The following TNR variants were observed in gnomAD, a reference collection of about 807,000 sequenced individuals.
TNR encodes the protein tenascin R.
Under a neutral mutation model 150.4 loss-of-function variants are expected in TNR, and 45 were observed. That is an observed-to-expected ratio of 0.30 (90% CI 0.24 to 0.38). The LOEUF (loss-of-function observed/expected upper bound fraction) is 0.38. TNR is among the 10% of genes least tolerant of loss of function. TNR has a pLI of 1.00. For missense variants in TNR, 1,544 were observed against 1,759.1 expected (o/e 0.88, Z 2.19); for synonymous variants, 687 against 678.4 (o/e 1.01, Z -0.20).
In TNR at chr1:175,351,171, T is replaced by C. The variant is rs78042823; in HGVS notation, c.3382+3220A>G. Among the ~76,000 whole-genome samples the C allele has an allele frequency of 3.3e-4, 50 of 152,346 alleles. 1 individual carries two copies. In the East Asian group the frequency reaches 9.2e-3, roughly 28 times the overall value. Reference sequence around the variant, plus strand: ...CTCCAGTCTTGCATATAAGTGAAGATACACTGCTCTTCAATTTTGCTTTTC... The same window carrying C: ...CTCCAGTCTTGCATATAAGTGAAGACACACTGCTCTTCAATTTTGCTTTTC... On this transcript the variant is annotated intron_variant, in intron 18 of 22. Coordinates refer to ENST00000367674, the MANE Select transcript of TNR (RefSeq NM_003285.3).
chr1:175,661,803 C>CG (rs397973137), intron 1 of TNR, among the ~76,000 whole-genome samples: 3 of 134,396 alleles, frequency 2.2e-5, no homozygotes, highest in Admixed American at 1.5e-4. Context: ...CCCCTCCCCC[C>CG]ACCCTTTTCT....
chr1:175,364,327 CT>C (rs71129505), intron 12 of TNR, among the ~76,000 whole-genome samples: 1,497 of 142,286 alleles, frequency 0.011, 12 homozygotes, highest in African/African-American at 0.027. Context: ...ATGCTATGGG[CT>C]TTTTTTTTTT....
At chr1:175,378,379 T>C (rs1652509853) in intron 9 of TNR, among the ~76,000 whole-genome samples, 2 of 152,146 alleles carry the variant, frequency 1.3e-5, no homozygotes, top group Non-Finnish European at 2.9e-5. Flanking sequence ...AAACCAAATA[T>C]GGTGCAATGT....
intron 2 of TNR, among the ~76,000 whole-genome samples, chr1:175,440,530 T>TAATAA (rs1372761531): frequency 2.8e-5 from 4 of 145,454 alleles, no homozygotes; most frequent in East Asian, 2.0e-4. Flanking sequence ...AGTATAATAA[T>TAATAA]AATAAAATAA....
At chr1:175,418,549 C>T (rs563266120) in intron 2 of TNR, among the ~76,000 whole-genome samples, 5 of 152,092 alleles carry the variant, frequency 3.3e-5, no homozygotes, top group Non-Finnish European at 5.9e-5. Context: ...TGGCAAAACC[C>T]CACCTCTACT....
chr1:175,654,719 C>CTTT (rs36087120), intron 1 of TNR, among the ~76,000 whole-genome samples: 459 of 74,644 alleles, frequency 6.1e-3, no homozygotes, highest in Middle Eastern at 0.013. Flanking sequence ...AAGTTCCCTT[C>CTTT]TTTTTTTTTT....
chr1:175,619,207 G>A (rs981118932), intron 1 of TNR, among the ~76,000 whole-genome samples: 6 of 152,146 alleles, frequency 3.9e-5, no homozygotes, highest in African/African-American at 1.4e-4. Flanking sequence ...AATGGAAAAA[G>A]ACAGTTCCAT....
intron 7 of TNR, among the ~76,000 whole-genome samples, chr1:175,387,753 A>C (rs1653000876): frequency 2.0e-5 from 3 of 152,154 alleles, no homozygotes; most frequent in Non-Finnish European, 4.4e-5. Context: ...ACTCTGGCCC[A>C]CCTCCTACTC....
intron 1 of TNR, among the ~76,000 whole-genome samples, chr1:175,586,333 C>T (rs1440483046): frequency 6.6e-6 from 1 of 152,058 alleles, no homozygotes; most frequent in East Asian, 1.9e-4. Flanking sequence ...TACTTCTACC[C>T]CCTTCTCTTT....
chr1:175,648,780 C>G (rs1173151904), intron 1 of TNR, among the ~76,000 whole-genome samples: 1 of 152,174 alleles, frequency 6.6e-6, no homozygotes, highest in African/African-American at 2.4e-5. Flanking sequence ...CCTCAGTCTG[C>G]TCCACCGTTA....
intron 1 of TNR, among the ~76,000 whole-genome samples, chr1:175,656,141 AGTGTGT>A (rs575020723): frequency 0.021 from 2,560 of 123,876 alleles, 35 homozygotes; most frequent in East Asian, 0.06. Context: ...GGAAGGTTGA[AGTGTGT>A]GTGTGTGTGT....
intron 2 of TNR, among the ~76,000 whole-genome samples, chr1:175,448,931 ATGT>A (rs749861158): frequency 6.6e-5 from 10 of 152,190 alleles, no homozygotes; most frequent in Non-Finnish European, 1.3e-4. Flanking sequence ...GGTCTGGTCA[ATGT>A]TGTTCACTTT....
chr1:175,496,729 T>A (rs1359781285), intron 2 of TNR, among the ~76,000 whole-genome samples: 1 of 152,216 alleles, frequency 6.6e-6, no homozygotes, highest in Non-Finnish European at 1.5e-5. Flanking sequence ...TCCTAGCTGT[T>A]AAAAAGGGAC....
intron 1 of TNR, among the ~76,000 whole-genome samples, chr1:175,583,004 A>G (rs1662419047): frequency 6.6e-6 from 1 of 152,024 alleles, no homozygotes; most frequent in Admixed American, 6.6e-5. Flanking sequence ...CAGCACCTTG[A>G]TCTTGGACTT....
At chr1:175,335,681 C>T (rs1391090830) in intron 20 of TNR, 30 bp downstream of exon 20, 1 of 1,594,766 alleles carries the variant, frequency 6.3e-7, no homozygotes, top group Admixed American at 1.7e-5. Context: ...CAGAGAAGCA[C>T]ATCAATGGAA....
At chr1:175,568,141 T>C (rs1331520467) in intron 1 of TNR, among the ~76,000 whole-genome samples, 2 of 152,208 alleles carry the variant, frequency 1.3e-5, no homozygotes, top group African/African-American at 4.8e-5. Context: ...CAGAGCAAAG[T>C]CCCACTCAGG....
chr1:175,671,193 C>T (rs553151020), intron 1 of TNR, among the ~76,000 whole-genome samples: 7 of 152,244 alleles, frequency 4.6e-5, no homozygotes, highest in South Asian at 4.2e-4. Context: ...GGGGGAAAGA[C>T]GATGGGCCAG....
chr1:175,436,487 A>G (rs1417749911), intron 2 of TNR, among the ~76,000 whole-genome samples: 2 of 152,170 alleles, frequency 1.3e-5, no homozygotes, highest in Admixed American at 6.5e-5. Flanking sequence ...TTTCAGCTCC[A>G]TCAGGTCCTT....
chr1:175,449,217 T>C (rs1414668897), intron 2 of TNR, among the ~76,000 whole-genome samples: 3 of 152,242 alleles, frequency 2.0e-5, no homozygotes, highest in Non-Finnish European at 4.4e-5. Flanking sequence ...TAGAATCAGC[T>C]GGTAAAAAAC....
Sources: allele counts gnomAD v4.1 joint callset (sites outside exome capture counted in the v4.1 genomes callset), GRCh38; gene constraint gnomAD v4.1.1; transcripts MANE v1.5; gene names NCBI Gene and HGNC (gene_info 2026-07-23, HGNC 2026-07-21).